The following GRM8 variants were observed in gnomAD, a reference collection of about 807,000 sequenced individuals.
GRM8 encodes glutamate metabotropic receptor 8.
GRM8 carries 47 observed loss-of-function variants against 87.2 expected under a neutral mutation model. The observed-to-expected ratio is 0.54, with a 90% CI of 0.43 to 0.69. GRM8 has a LOEUF of 0.69. Ranked by LOEUF, GRM8 falls within the 30% of genes least tolerant of loss-of-function variation. GRM8 has a pLI of 0.00. For synonymous variants in GRM8, 396 were observed against 404.5 expected (o/e 0.98, Z 0.25); for missense variants, 1,019 against 1,139.2 (o/e 0.89, Z 1.52).
chr7:126,698,266 T>C (rs1212526131), intron 7 of GRM8, among the ~76,000 whole-genome samples: 3 of 152,144 alleles, frequency 2.0e-5, no homozygotes, highest in African/African-American at 7.2e-5. Context: ...GGGAATTATG[T>C]AGTGGCTTGT....
chr7:127,015,001 AAAGAAGAAGAAG>A (rs538403014), intron 3 of GRM8, among the ~76,000 whole-genome samples: 2,613 of 59,648 alleles, frequency 0.044, 110 homozygotes, highest in African/African-American at 0.062. Context: ...GAAGAAGAAG[AAAGAAGAAGAAG>A]AAGAAGAAGA....
At chr7:126,520,752 A>G (rs1320821320) in intron 9 of GRM8, among the ~76,000 whole-genome samples, 1 of 152,098 alleles carries the variant, frequency 6.6e-6, no homozygotes, top group South Asian at 2.1e-4. Flanking sequence ...GGAAACAGGT[A>G]ATTTGACGGC....
chr7:127,113,056 C>T (rs1468605074), intron 2 of GRM8, among the ~76,000 whole-genome samples: 2 of 152,152 alleles, frequency 1.3e-5, no homozygotes, highest in Non-Finnish European at 2.9e-5. Flanking sequence ...CTGTACATGA[C>T]TGAGTGATGA....
At chr7:127,137,444 G>T (rs1421310017) in intron 2 of GRM8, among the ~76,000 whole-genome samples, 1 of 151,994 alleles carries the variant, frequency 6.6e-6, no homozygotes, top group Non-Finnish European at 1.5e-5. Context: ...ACAACACATA[G>T]CATATAATAG....
intron 2 of GRM8, among the ~76,000 whole-genome samples, chr7:127,238,368 C>G (rs1010344720): frequency 6.6e-6 from 1 of 151,068 alleles, no homozygotes; most frequent in Non-Finnish European, 1.5e-5. Context: ...CTAAAAAGTT[C>G]AGATCATTAA....
chr7:126,802,082 A>G (rs990740280), intron 6 of GRM8, among the ~76,000 whole-genome samples: 1 of 152,166 alleles, frequency 6.6e-6, no homozygotes, highest in African/African-American at 2.4e-5. Flanking sequence ...CTATATATTT[A>G]TGGTGTACAA....
chr7:126,485,458 C>A (rs1312957364), intron 9 of GRM8, among the ~76,000 whole-genome samples: 1 of 151,866 alleles, frequency 6.6e-6, no homozygotes, highest in Non-Finnish European at 1.5e-5. Context: ...GGTGTGTCCT[C>A]GATCCCCATA....
intron 9 of GRM8, among the ~76,000 whole-genome samples, chr7:126,502,790 G>A (rs1345220224): frequency 6.6e-6 from 1 of 151,962 alleles, no homozygotes; most frequent in Non-Finnish European, 1.5e-5. Context: ...TACATAATTT[G>A]GGGTGTCCAA....
intron 3 of GRM8, among the ~76,000 whole-genome samples, chr7:126,932,955 G>A (rs1805922403): frequency 6.6e-6 from 1 of 152,154 alleles, no homozygotes; most frequent in African/African-American, 2.4e-5. Flanking sequence ...ATCATATCAA[G>A]AAGCAGTAAG....
At chr7:126,476,816 A>G (rs963882626) in intron 9 of GRM8, among the ~76,000 whole-genome samples, 12 of 151,952 alleles carry the variant, frequency 7.9e-5, no homozygotes, top group Non-Finnish European at 1.3e-4. Flanking sequence ...TGTTATAGCC[A>G]TTATGAAAAA....
chr7:127,034,427 AC>A (rs1817662583), intron 3 of GRM8, among the ~76,000 whole-genome samples: 1 of 152,208 alleles, frequency 6.6e-6, no homozygotes, highest in Non-Finnish European at 1.5e-5. Flanking sequence ...CATTATCTGT[AC>A]TACAGGTACA....
intron 3 of GRM8, among the ~76,000 whole-genome samples, chr7:127,047,396 A>G (rs1285736741): frequency 1.3e-5 from 2 of 152,074 alleles, no homozygotes; most frequent in Non-Finnish European, 2.9e-5. Context: ...AAGAGTTTTA[A>G]GTTTTTTTTT....
chr7:127,004,420 G>A lies in GRM8; in HGVS notation c.728-99737C>T, dbSNP rs1814056321. Among the ~76,000 whole-genome samples the A allele has an allele frequency of 2.0e-5, 3 of 151,502 alleles. No individual in the cohort carries two copies. The South Asian group carries it at 6.2e-4, about 31-fold the overall frequency. On this transcript the variant is annotated intron_variant, in intron 3 of 10. Coordinates refer to ENST00000339582, the MANE Select transcript of GRM8 (RefSeq NM_000845.3). ...CACAGTAATGCAGATAAAAGACACA[G>A]AAACAAAAACAATTATTTAAAAGTA...
intron 6 of GRM8, among the ~76,000 whole-genome samples, chr7:126,805,778 C>A (rs1335023720): frequency 6.6e-6 from 1 of 152,160 alleles, no homozygotes; most frequent in Non-Finnish European, 1.5e-5. Flanking sequence ...TTATTTCATT[C>A]TTCTGTGTCG....
chr7:126,914,537 GA>G (rs1803674383), intron 3 of GRM8, among the ~76,000 whole-genome samples: 1 of 152,156 alleles, frequency 6.6e-6, no homozygotes, highest in Non-Finnish European at 1.5e-5. Flanking sequence ...ATCAGCAGTG[GA>G]CTGGATAAAG....
At chr7:126,805,919 A>G (rs574339728) in intron 6 of GRM8, among the ~76,000 whole-genome samples, 185 of 152,208 alleles carry the variant, frequency 1.2e-3, no homozygotes, top group African/African-American at 4.1e-3. Context: ...CATTTGTACA[A>G]ACTTTGCTGT....
At chr7:127,060,133 C>T (rs1586884350) in intron 3 of GRM8, among the ~76,000 whole-genome samples, 1 of 152,200 alleles carries the variant, frequency 6.6e-6, no homozygotes, top group East Asian at 1.9e-4. Context: ...AAGACTTCAT[C>T]TTTCTGAGAA....
chr7:126,595,918 T>C (rs1350290638), intron 8 of GRM8, among the ~76,000 whole-genome samples: 22 of 152,142 alleles, frequency 1.4e-4, no homozygotes, highest in Admixed American at 1.4e-3. Flanking sequence ...AGCCAGATCA[T>C]TTCAGCTCAC....
rs143336533 is a variant in GRM8, at chr7:127,064,491, T to G, written c.727+42005A>C. ...GCTTGGTAGATTTTCCTCCATCTCTTTATTTTGAGCCTATGAGTGTCATTA... is the reference window on the plus strand; with the variant it reads ...GCTTGGTAGATTTTCCTCCATCTCTGTATTTTGAGCCTATGAGTGTCATTA... On this transcript the variant is annotated intron_variant, in intron 3 of 10. Coordinates refer to ENST00000339582, the MANE Select transcript of GRM8 (RefSeq NM_000845.3). Among the ~76,000 whole-genome samples the G allele has an allele frequency of 6.6e-5, 10 of 152,334 alleles. No homozygotes were observed. In the East Asian group the frequency reaches 1.9e-3, roughly 29 times the overall value.
Sources: gnomAD v4.1 joint callset for allele counts (sites outside exome capture counted in the v4.1 genomes callset) on GRCh38, gnomAD v4.1.1 for gene constraint, MANE v1.5 for transcripts, NCBI Gene and HGNC (gene_info 2026-07-23, HGNC 2026-07-21) for gene names.